Variants in SLC26A7 observed in about 807,000 individuals in gnomAD.
The protein encoded by SLC26A7 is solute carrier family 26 member 7, also known as anion exchange transporter.
Under a neutral mutation model 82.5 loss-of-function variants are expected in SLC26A7, and 59 were observed. The observed-to-expected ratio is 0.72, with a 90% CI of 0.58 to 0.89. SLC26A7 has a LOEUF of 0.89. Ranked by LOEUF, SLC26A7 falls within the 40% of genes least tolerant of loss-of-function variation. SLC26A7 has a pLI of 0.00. For synonymous variants in SLC26A7, 271 were observed against 274.3 expected (o/e 0.99, Z 0.12); for missense variants, 820 against 793.0 (o/e 1.03, Z -0.41).
intron 13 of SLC26A7, 55 bp from the exon 14 acceptor site, chr8:91,366,525 T>C: frequency 6.4e-7 from 1 of 1,571,694 alleles, no homozygotes; most frequent in South Asian, 1.2e-5. Flanking sequence ...ATCTGATTGT[T>C]TATTGGCTAT....
At chr8:91,333,445 C>A (rs890081234) in intron 5 of SLC26A7, among the ~76,000 whole-genome samples, 1 of 152,108 alleles carries the variant, frequency 6.6e-6, no homozygotes, top group Non-Finnish European at 1.5e-5. Flanking sequence ...AAGTCATGCA[C>A]CCCTCCCCTC....
intron 2 of SLC26A7, among the ~76,000 whole-genome samples, chr8:91,224,195 G>A (rs1345341447): frequency 6.6e-6 from 1 of 151,936 alleles, no homozygotes; most frequent in Non-Finnish European, 1.5e-5. Context: ...TCGTCTATCT[G>A]ATCCTCCGTC....
At chr8:91,296,750 A>C (rs951984632) in intron 4 of SLC26A7, among the ~76,000 whole-genome samples, 3 of 152,242 alleles carry the variant, frequency 2.0e-5, no homozygotes, top group African/African-American at 7.2e-5. Flanking sequence ...CTGGTGGACC[A>C]ATCAGTATTT....
At chr8:91,356,073 G>A (rs1479135582) in intron 11 of SLC26A7, among the ~76,000 whole-genome samples, 1 of 152,136 alleles carries the variant, frequency 6.6e-6, no homozygotes, top group Non-Finnish European at 1.5e-5. Context: ...CTTTTTTATG[G>A]CTGCATAGTA....
At chr8:91,359,590 A>G (rs1022297852) in intron 11 of SLC26A7, among the ~76,000 whole-genome samples, 2 of 152,192 alleles carry the variant, frequency 1.3e-5, no homozygotes, top group African/African-American at 4.8e-5. Context: ...TAGCAGGCGC[A>G]TGATGATTCA....
At chr8:91,293,410 C>T (rs1032235161) in intron 3 of SLC26A7, among the ~76,000 whole-genome samples, 3 of 152,320 alleles carry the variant, frequency 2.0e-5, no homozygotes, top group South Asian at 2.1e-4. Context: ...AGAATGTCAT[C>T]CACAACAGCC....
At chr8:91,306,210 G>A (rs1812302306) in intron 4 of SLC26A7, among the ~76,000 whole-genome samples, 1 of 152,026 alleles carries the variant, frequency 6.6e-6, no homozygotes, top group Admixed American at 6.6e-5. Flanking sequence ...CTCCTTAAGT[G>A]TCAAGTTAAC....
intron 14 of SLC26A7, among the ~76,000 whole-genome samples, chr8:91,369,472 T>C (rs1048805938): frequency 6.6e-5 from 10 of 152,010 alleles, no homozygotes; most frequent in African/African-American, 1.9e-4. Flanking sequence ...TCTGATTGAA[T>C]ATGCTACTTA....
chr8:91,326,062 G>A (rs563557654), intron 5 of SLC26A7, among the ~76,000 whole-genome samples: 1 of 152,060 alleles, frequency 6.6e-6, no homozygotes, highest in African/African-American at 2.4e-5. Context: ...TTGATCTTTG[G>A]TAGATGGTCA....
intron 2 of SLC26A7, among the ~76,000 whole-genome samples, chr8:91,286,121 G>A (rs1415748161): frequency 6.6e-6 from 1 of 152,128 alleles, no homozygotes; most frequent in East Asian, 1.9e-4. Flanking sequence ...CAGAGATTGA[G>A]CTACTTACAT....
At chr8:91,236,394 C>G (rs1810393224) in intron 2 of SLC26A7, among the ~76,000 whole-genome samples, 1 of 152,148 alleles carries the variant, frequency 6.6e-6, no homozygotes, top group African/African-American at 2.4e-5. Context: ...TTAAACCCTT[C>G]TGGTATGTTT....
chr8:91,355,366 TCAAA>T (rs1461909993), intron 11 of SLC26A7, among the ~76,000 whole-genome samples: 1 of 152,148 alleles, frequency 6.6e-6, no homozygotes, highest in Non-Finnish European at 1.5e-5. Context: ...GAATATTTTT[TCAAA>T]TCTGTGTTCT....
chr8:91,339,585 A>G (rs1813341947), intron 7 of SLC26A7, among the ~76,000 whole-genome samples: 1 of 152,112 alleles, frequency 6.6e-6, no homozygotes, highest in Admixed American at 6.6e-5. Context: ...GGTTTTAAAA[A>G]TCAACATGAA....
chr8:91,365,936 C>T (rs1016703442), intron 13 of SLC26A7, among the ~76,000 whole-genome samples: 1 of 152,168 alleles, frequency 6.6e-6, no homozygotes, highest in Admixed American at 6.5e-5. Context: ...GTTTTAGTTG[C>T]ACATCACCAA....
At position 91,343,377 on chromosome 8, in the gene SLC26A7, A is replaced by G. The variant is rs377593422; in HGVS notation, c.1051A>G (p.Asn351Asp). ...NQEFLAHGLS[N>D]IVSSFFFCIP... ...GGAATTTTTGGCCCATGGCCTCAGC[A>G]ATATAGTTTCTTCATTTTTCTTCTG... The change falls in exon 9 of 19, where the codon AAT becomes GAT. Residue 351 changes from asparagine to aspartate, a missense_variant. Transcript: ENST00000276609. 18 of 1,611,422 alleles carry G rather than the reference A, an allele frequency of 1.1e-5. No individual in the cohort carries two copies. The highest frequency in any genetic ancestry group is 1.4e-5 in the Non-Finnish European group (17 of 1,179,158).
intron 15 of SLC26A7, among the ~76,000 whole-genome samples, chr8:91,384,769 AG>A (rs1296625803): frequency 1.9e-5 from 2 of 105,404 alleles, no homozygotes; most frequent in African/African-American, 1.1e-4. Context: ...GCTGGGAGGA[AG>A]GAAGGAAGGA....
At chr8:91,351,222 G>T (rs1813705891) in intron 9 of SLC26A7, among the ~76,000 whole-genome samples, 1 of 152,068 alleles carries the variant, frequency 6.6e-6, no homozygotes, top group Non-Finnish European at 1.5e-5. Context: ...CAGGCTGGTT[G>T]GTTAGAACAT....
intron 6 of SLC26A7, among the ~76,000 whole-genome samples, chr8:91,335,859 T>A (rs1379346810): frequency 6.6e-6 from 1 of 152,188 alleles, no homozygotes; most frequent in Non-Finnish European, 1.5e-5. Flanking sequence ...TAGTCGTTTA[T>A]GTTCTGCCAG....
intron 2 of SLC26A7, among the ~76,000 whole-genome samples, chr8:91,224,965 G>A (rs1810213267): frequency 1.3e-5 from 2 of 152,224 alleles, no homozygotes; most frequent in Non-Finnish European, 2.9e-5. Context: ...TCTGGCCACC[G>A]ACTGACACAG....
Sources: allele counts gnomAD v4.1 joint callset (sites outside exome capture counted in the v4.1 genomes callset), GRCh38; gene constraint gnomAD v4.1.1; transcripts MANE v1.5; gene names NCBI Gene and HGNC (gene_info 2026-07-23, HGNC 2026-07-21).